PLEKHF1: variants seen among roughly 807,000 people sequenced by gnomAD.
PLEKHF1 encodes the protein pleckstrin homology domain-containing family F member 1.
Under a neutral mutation model 4.1 loss-of-function variants are expected in PLEKHF1, and 1 was observed. The observed-to-expected ratio is 0.24, with a 90% confidence interval of 0.09 to 1.15. PLEKHF1 has a LOEUF of 1.15. PLEKHF1 is among the 50% of genes most tolerant of loss of function. The pLI is 0.52. For missense variants in PLEKHF1, 429 were observed against 400.6 expected (o/e 1.07, Z -0.60); for synonymous variants, 182 against 178.5 (o/e 1.02, Z -0.16).
rs1292712448 is a variant in PLEKHF1 at position 29,665,478 on chromosome 19, AG to A, written c.-41del. The A allele has an allele frequency of 3.7e-6, 4 of 1,068,106 alleles. No homozygotes were observed. Among genetic ancestry groups the A allele is most frequent in the Non-Finnish European group, 4.8e-6 (4 of 826,526 alleles). 66.2% of individuals were successfully genotyped at this position (1,068,106 alleles called of 1,614,324 possible). A position where few individuals can be genotyped will look rare whatever the true frequency, so the allele number is the denominator to read the frequency against. ...CCCGGGCTACTGCGGTGTGGACTCG[AG>A]GGCTGGGCGCGGGGCCGGCGCAGAA... On this transcript the variant is annotated 5_prime_UTR_variant, in exon 1 of 2. Coordinates refer to ENST00000436066, the MANE Select transcript of PLEKHF1 (RefSeq NM_024310.5).
intron 1 of PLEKHF1, among the ~76,000 whole-genome samples, chr19:29,673,428 T>C (rs1971652851): frequency 6.6e-6 from 1 of 151,636 alleles, no homozygotes; most frequent in Non-Finnish European, 1.5e-5. Context: ...CTCAGTCACC[T>C]AGCTAGAGTG....
intron 1 of PLEKHF1, among the ~76,000 whole-genome samples, chr19:29,668,174 A>T (rs1051701399): frequency 1.3e-5 from 2 of 152,176 alleles, no homozygotes; most frequent in Admixed American, 1.3e-4. Flanking sequence ...TCAAAGAAAG[A>T]TGCAGGTCTG....
At chr19:29,666,171 T>C (rs1971567721) in intron 1 of PLEKHF1, among the ~76,000 whole-genome samples, 1 of 139,458 alleles carries the variant, frequency 7.2e-6, no homozygotes, top group East Asian at 2.1e-4. Context: ...GTGGTCAGCC[T>C]CTTTGCAGGT....
intron 1 of PLEKHF1, among the ~76,000 whole-genome samples, chr19:29,668,721 GAA>G (rs113972567): frequency 2.5e-5 from 3 of 119,198 alleles, no homozygotes; most frequent in Admixed American, 8.9e-5. Context: ...CAATGTCTCA[GAA>G]AAAAAAAAAA....
chr19:29,665,941 T>TG, intron 1 of PLEKHF1: 2 of 454,184 alleles, frequency 4.4e-6, no homozygotes, highest in Non-Finnish European at 5.8e-6. Context: ...ATGGGACCAC[T>TG]GTCCCCCTGG....
rs560949957 is a variant in PLEKHF1 at position 29,674,465 on chromosome 19, G to C, written c.626G>C (p.Arg209Pro). 2 of 1,539,612 alleles carry C rather than the reference G, an allele frequency of 1.3e-6. No homozygotes were observed. The highest frequency in any genetic ancestry group is 1.7e-6 in the Non-Finnish European group (2 of 1,146,160). ...GTGCGCGTCTGCAGCCTCTGCTACC[G>C]CGAACTGGCCGCCCAGCAGCGGCAG... Reference protein sequence around the residue: ...KPVRVCSLCYRELAAQQRQEE... With the variant: ...KPVRVCSLCYPELAAQQRQEE... The change falls in exon 2 of 2, where the codon CGC (arginine) becomes CCC (proline). Residue 209 changes from arginine to proline, a missense_variant. Arg to Pro is a moderately radical substitution (Grantham distance 103). Coordinates refer to ENST00000436066, the MANE Select transcript of PLEKHF1 (RefSeq NM_024310.5).
chr19:29,669,939 C>CT (rs1009398966), intron 1 of PLEKHF1, among the ~76,000 whole-genome samples: 17 of 151,440 alleles, frequency 1.1e-4, no homozygotes, highest in Non-Finnish European at 1.8e-4. Context: ...ATCTCCAAAA[C>CT]TTTTTTTTTC....
rs910324363 is a variant in PLEKHF1, at chr19:29,674,802, G to A, written c.*123G>A. ...CCATGGTGGCAGGTGCAGCGGTGGG[G>A]AGTGGCTCTTTCTGGACTCCCAGTG... On this transcript the variant is annotated 3_prime_UTR_variant, in exon 2 of 2. Transcript: ENST00000436066. 1.4e-6 allele frequency: 2 copies of A among 1,400,454 alleles called. No homozygotes were observed. Among genetic ancestry groups the A allele is most frequent in the Non-Finnish European group, 9.5e-7 (1 of 1,055,688 alleles). The allele number at this position is 1,400,454 out of a possible 1,614,324, so 86.8% of individuals were successfully genotyped here.
chr19:29,667,669 G>A (rs767193039), intron 1 of PLEKHF1, among the ~76,000 whole-genome samples: 5 of 151,798 alleles, frequency 3.3e-5, no homozygotes, highest in Non-Finnish European at 4.4e-5. Flanking sequence ...ACTTTCCAGG[G>A]CTACCATCTT....
intron 1 of PLEKHF1, among the ~76,000 whole-genome samples, chr19:29,666,000 T>A (rs1266530136): frequency 1.3e-5 from 2 of 151,932 alleles, no homozygotes; most frequent in African/African-American, 4.8e-5. Flanking sequence ...CTGGAGCAGT[T>A]GAGTTTGTGA....
rs1971627984 is a variant in PLEKHF1, at chr19:29,671,114, T to C, written c.-16-2710T>C. ...TGTTTTTTTCCCCTCCTTTTTTTTTTTTTGAGATGGAATCTCACTCTGTCA... is the reference window on the plus strand; with the variant it reads ...TGTTTTTTTCCCCTCCTTTTTTTTTCTTTGAGATGGAATCTCACTCTGTCA... On this transcript the variant is annotated intron_variant, in intron 1 of 1. Transcript: ENST00000436066. This position sits in a 1 kb window ranked among gnomAD's most constrained non-coding sequence, Gnocchi z 4.0. 6.6e-6 allele frequency among the ~76,000 whole-genome samples: 1 copy of C among 151,764 alleles called. No homozygotes were observed. The highest frequency in any genetic ancestry group is 2.4e-5 in the African/African-American group (1 of 41,298).
rs1217481185 is a variant in PLEKHF1, at chr19:29,672,925, C to T, written c.-16-899C>T. On this transcript the variant is annotated intron_variant, in intron 1 of 1. Transcript: ENST00000436066. ...GTGTGTGGACCAAGCAGGGGGCGCC[C>T]GGCATGAGCTCTGAGTTAGTGCTTA... Among the ~76,000 whole-genome samples the T allele has an allele frequency of 2.6e-5, 4 of 151,982 alleles. No individual in the cohort carries two copies. The South Asian group carries it at 6.2e-4, about 24-fold the overall frequency.
At position 29,671,202 on chromosome 19, in the gene PLEKHF1, C is replaced by T. The variant is rs193215699; in HGVS notation, c.-16-2622C>T. On this transcript the variant is annotated intron_variant, in intron 1 of 1. Transcript: ENST00000436066. The surrounding 1 kb of genome is among the most constrained non-coding windows in gnomAD (Gnocchi z 4.0). ...GCAACCTCTGCTTCCTGGGTTCAAGCGATTCTCCTGCCTCCGCCTCCCGAG... is the reference window on the plus strand; with the variant it reads ...GCAACCTCTGCTTCCTGGGTTCAAGTGATTCTCCTGCCTCCGCCTCCCGAG... 2.0e-4 allele frequency among the ~76,000 whole-genome samples: 30 copies of T among 151,580 alleles called. No individual in the cohort carries two copies. Among genetic ancestry groups the T allele is most frequent in the African/African-American group, 6.5e-4 (27 of 41,280 alleles).
chr19:29,672,148 A>G (rs1355476207), intron 1 of PLEKHF1, among the ~76,000 whole-genome samples: 1 of 152,194 alleles, frequency 6.6e-6, no homozygotes, highest in Non-Finnish European at 1.5e-5. Context: ...AGGTCCTGTT[A>G]AATCCCACAA....
chr19:29,673,376 G>C (rs1300583271), intron 1 of PLEKHF1, among the ~76,000 whole-genome samples: 1 of 146,936 alleles, frequency 6.8e-6, no homozygotes, highest in African/African-American at 2.6e-5. Context: ...CACAGTAGTA[G>C]CCGGCTCAGT....
At chr19:29,667,833 C>G (rs1971586620) in intron 1 of PLEKHF1, among the ~76,000 whole-genome samples, 1 of 151,502 alleles carries the variant, frequency 6.6e-6, no homozygotes, top group East Asian at 1.9e-4. Flanking sequence ...TGGTGTAGAT[C>G]AGGGGTTGGC....
intron 1 of PLEKHF1, 121 bp downstream of exon 1, chr19:29,665,626 C>T: frequency 8.5e-7 from 1 of 1,170,408 alleles, no homozygotes; most frequent in Non-Finnish European, 1.1e-6. Context: ...TTGGCGGCTC[C>T]TGGGCCGGCG....
chr19:29,670,855 T>G (rs533585917), intron 1 of PLEKHF1, among the ~76,000 whole-genome samples: 2 of 151,676 alleles, frequency 1.3e-5, no homozygotes, highest in East Asian at 4.0e-4. Context: ...TTTTTTGTAT[T>G]TTAAGAGACA....
chr19:29,670,588 T>C (rs1391326257), intron 1 of PLEKHF1, among the ~76,000 whole-genome samples: 1 of 152,232 alleles, frequency 6.6e-6, no homozygotes, highest in East Asian at 1.9e-4. Flanking sequence ...GATATGAACA[T>C]GGGAAAGCAG....
Sources: allele counts gnomAD v4.1 joint callset (sites outside exome capture counted in the v4.1 genomes callset), GRCh38; gene constraint gnomAD v4.1.1; non-coding constraint Gnocchi (gnomAD v3.1); transcripts MANE v1.5; gene names NCBI Gene and HGNC (gene_info 2026-07-23, HGNC 2026-07-21).